Variants in TBC1D31 observed in about 807,000 individuals in gnomAD.
TBC1D31 encodes WD repeat domain 67.
TBC1D31 carries 99 observed loss-of-function variants against 132.9 expected under a neutral mutation model. The observed-to-expected ratio is 0.74, with a 90% CI of 0.63 to 0.88. TBC1D31 has a LOEUF of 0.88. Ranked by LOEUF, TBC1D31 falls within the 40% of genes least tolerant of loss-of-function variation. TBC1D31 has a pLI of 0.00. For synonymous variants in TBC1D31, 385 were observed against 419.4 expected (o/e 0.92, Z 1.00); for missense variants, 1,134 against 1,256.6 (o/e 0.90, Z 1.48).
At chr8:123,082,650 A>C in intron 2 of TBC1D31, 52 bp from the exon 3 acceptor site, 1 of 1,315,984 alleles carries the variant, frequency 7.6e-7, no homozygotes, top group Non-Finnish European at 1.1e-6. Context: ...TCCACATGGA[A>C]TTTGTAATTA....
intron 4 of TBC1D31, among the ~76,000 whole-genome samples, chr8:123,086,207 C>A (rs1395319109): frequency 6.6e-6 from 1 of 152,146 alleles, no homozygotes; most frequent in African/African-American, 2.4e-5. Context: ...CCCTCCTTAC[C>A]ACACCCAGTA....
intron 11 of TBC1D31, among the ~76,000 whole-genome samples, chr8:123,124,687 G>GA (rs1163429866): frequency 4.0e-5 from 6 of 151,876 alleles, no homozygotes; most frequent in Non-Finnish European, 5.9e-5. Context: ...CAGCACTTGG[G>GA]ATGGCCAAGG....
At chr8:123,146,689 T>C (rs1461685053) in intron 20 of TBC1D31, among the ~76,000 whole-genome samples, 3 of 144,244 alleles carry the variant, frequency 2.1e-5, no homozygotes, top group Non-Finnish European at 4.6e-5. Context: ...TATGCCTACC[T>C]TTTTTTTTTT....
At chr8:123,116,956 G>A (rs747084536) in intron 10 of TBC1D31, among the ~76,000 whole-genome samples, 6 of 152,090 alleles carry the variant, frequency 3.9e-5, no homozygotes, top group African/African-American at 9.7e-5. Context: ...AATCACTATT[G>A]GGACACCACG....
At chr8:123,104,911 G>A (rs1472356973) in intron 7 of TBC1D31, among the ~76,000 whole-genome samples, 1 of 152,172 alleles carries the variant, frequency 6.6e-6, no homozygotes, top group African/African-American at 2.4e-5. Flanking sequence ...GGGTACTTCT[G>A]TCAGAATTCT....
chr8:123,160,157 C>G, the TBC1D31 span, among the ~76,000 whole-genome samples: 1 of 152,128 alleles, frequency 6.6e-6, no homozygotes. Context: ...TTAGGCTCTT[C>G]TTGGCTGTGA....
At chr8:123,150,164 T>C (rs750518768) in intron 21 of TBC1D31, 36 bp downstream of exon 21, 3 of 1,538,438 alleles carry the variant, frequency 2.0e-6, no homozygotes, top group Admixed American at 1.7e-5. Context: ...ATTCTGCCAT[T>C]TTAAATTTCA....
In TBC1D31 at chr8:123,109,558, A is replaced by G. The variant is rs16897969; in HGVS notation, c.1374A>G (p.Ala458=). 0.29 allele frequency: 473,783 copies of G among 1,612,784 alleles called. 71,003 individuals are homozygous for G. The highest frequency in any genetic ancestry group is 0.37 in the African/African-American group (27,985 of 74,920). The stretch of plus-strand genomic sequence containing the variant: ...TCATAGATAAGGGGACTCATGTGGC[A>G]TTTCTCAACCTTCAGAAGAAATACC... ...STLIDKGTHV[A]FLNLQKKYPI... is the part of the protein sequence containing the mutation. Residue 458 remains alanine (A), a synonymous_variant, in exon 10 of 22, where the codon GCA becomes GCG. Coordinates refer to ENST00000287380, the MANE Select transcript of TBC1D31 (RefSeq NM_145647.4).
intron 10 of TBC1D31, among the ~76,000 whole-genome samples, chr8:123,118,238 G>C (rs1167783585): frequency 7.1e-6 from 1 of 141,684 alleles, no homozygotes; most frequent in Non-Finnish European, 1.5e-5. Flanking sequence ...TAAAATCTGA[G>C]TAAAGTCCAT....
intron 8 of TBC1D31, among the ~76,000 whole-genome samples, chr8:123,105,839 C>T (rs1281757993): frequency 6.6e-6 from 1 of 152,158 alleles, no homozygotes; most frequent in African/African-American, 2.4e-5. Context: ...GCTCAGTGAA[C>T]TTTCACAAAA....
intron 5 of TBC1D31, among the ~76,000 whole-genome samples, chr8:123,096,398 T>A (rs1368063120): frequency 6.6e-6 from 1 of 152,214 alleles, no homozygotes; most frequent in Non-Finnish European, 1.5e-5. Context: ...TTTCAGCACT[T>A]TTGTACCAGC....
intron 10 of TBC1D31, 140 bp from the exon 11 acceptor site, chr8:123,119,915 G>C: frequency 1.6e-6 from 1 of 628,100 alleles, no homozygotes; most frequent in Non-Finnish European, 2.6e-6. Context: ...TTTTAACAAT[G>C]GTTACTTCTG....
intron 11 of TBC1D31, chr8:123,123,023 A>C (rs1211399144): frequency 4.6e-5 from 7 of 152,306 alleles, no homozygotes; most frequent in Non-Finnish European, 1.0e-4. Flanking sequence ...CGGCCATTGC[A>C]GTACCTGGAG....
chr8:123,160,734 C>T, the TBC1D31 span, among the ~76,000 whole-genome samples: 1 of 152,312 alleles, frequency 6.6e-6, no homozygotes, highest in Non-Finnish European at 1.5e-5. Context: ...CCAAGGTGGC[C>T]CCATCACCCA....
chr8:123,101,907 G>C (rs11786727), intron 7 of TBC1D31, among the ~76,000 whole-genome samples: 1 of 151,990 alleles, frequency 6.6e-6, no homozygotes, highest in South Asian at 2.1e-4. Context: ...TTCTTAACTA[G>C]TGCTACTTTA....
intron 10 of TBC1D31, 55 bp downstream of exon 10, chr8:123,109,675 T>C: frequency 7.0e-7 from 1 of 1,437,646 alleles, no homozygotes; most frequent in Non-Finnish European, 9.4e-7. Context: ...ATAATTGCAA[T>C]GTTATAAAAT....
At chr8:123,075,688 G>A (rs1163254581) in intron 1 of TBC1D31, among the ~76,000 whole-genome samples, 1 of 151,640 alleles carries the variant, frequency 6.6e-6, no homozygotes, top group Non-Finnish European at 1.5e-5. Flanking sequence ...GGGTGACAGA[G>A]CGAGACTCCA....
Position 123,128,605 on chromosome 8 carries a change from G to A in TBC1D31, c.2117+92G>A, listed in dbSNP as rs138130341. On this transcript the variant is annotated intron_variant, in intron 14 of 21. Coordinates refer to ENST00000287380, the MANE Select transcript of TBC1D31 (RefSeq NM_145647.4). ...ATGAAAAATACATTTGGCTGAGCGC[G>A]GTGGCTCACGCCTATAGTCCCAGCA... 1.5e-3 allele frequency: 1,484 copies of A among 1,008,910 alleles called. 19 individuals are homozygous for A. The African/African-American group carries it at 0.021, about 14-fold the overall frequency. The allele number at this position is 1,008,910 out of a possible 1,614,324, so 62.5% of individuals were successfully genotyped here. A position where few individuals can be genotyped will look rare whatever the true frequency, so the allele number is the denominator to read the frequency against.
chr8:123,159,916 G>C, the TBC1D31 span, among the ~76,000 whole-genome samples: 1 of 152,176 alleles, frequency 6.6e-6, no homozygotes, highest in African/African-American at 2.4e-5. Flanking sequence ...AACAGTTTTA[G>C]CGTCACAGAA....
Sources: gnomAD v4.1 joint callset for allele counts (sites outside exome capture counted in the v4.1 genomes callset) on GRCh38, gnomAD v4.1.1 for gene constraint, MANE v1.5 for transcripts, NCBI Gene and HGNC (gene_info 2026-07-23, HGNC 2026-07-21) for gene names.